DCDC1: variants seen among roughly 807,000 people sequenced by gnomAD.
DCDC1 encodes doublecortin domain-containing protein 1.
DCDC1 carries 200 observed loss-of-function variants against 178.3 expected under a neutral mutation model. That is an observed-to-expected ratio of 1.12 (90% confidence interval 1.00 to 1.26). The LOEUF (loss-of-function observed/expected upper bound fraction) is 1.26, where lower values mean the gene tolerates loss of function less well. DCDC1 is among the 50% of genes most tolerant of loss of function. The probability of loss-of-function intolerance (pLI) is 0.00; values close to 1 mark genes in which losing one functional copy is unlikely to be tolerated. For missense variants in DCDC1, 1,983 were observed against 1,749.2 expected (o/e 1.13, Z -2.38); for synonymous variants, 690 against 604.8 (o/e 1.14, Z -2.07).
intron 9 of DCDC1, among the ~76,000 whole-genome samples, chr11:31,170,831 A>C (rs897229985): frequency 6.6e-6 from 1 of 151,722 alleles, no homozygotes; most frequent in Non-Finnish European, 1.5e-5. Context: ...ATTTTATTTT[A>C]TTTATTTATT....
At chr11:31,075,487 G>A (rs1310022029) in intron 18 of DCDC1, among the ~76,000 whole-genome samples, 1 of 151,986 alleles carries the variant, frequency 6.6e-6, no homozygotes, top group Non-Finnish European at 1.5e-5. Context: ...TATACAGGTT[G>A]CACTATAATA....
chr11:30,889,425 A>T (rs1280989237), intron 36 of DCDC1, among the ~76,000 whole-genome samples: 1 of 152,192 alleles, frequency 6.6e-6, no homozygotes, highest in Non-Finnish European at 1.5e-5. Flanking sequence ...GAAGGTATAG[A>T]GAAGCACTTT....
chr11:31,185,379 G>A (rs1162246910), intron 9 of DCDC1, among the ~76,000 whole-genome samples: 1 of 151,654 alleles, frequency 6.6e-6, no homozygotes, highest in African/African-American at 2.4e-5. Context: ...TGCACTTTCT[G>A]CACCTATAGC....
chr11:31,212,082 C>CAAA (rs34957766), intron 9 of DCDC1, among the ~76,000 whole-genome samples: 1 of 90,100 alleles, frequency 1.1e-5, no homozygotes, highest in African/African-American at 4.2e-5. Flanking sequence ...GACTCAGTCT[C>CAAA]AAAAAAAAAA....
chr11:31,208,404 T>C (rs971026290), intron 9 of DCDC1, among the ~76,000 whole-genome samples: 1 of 152,100 alleles, frequency 6.6e-6, no homozygotes, highest in African/African-American at 2.4e-5. Flanking sequence ...ATATCCTGAG[T>C]CTTATAATTC....
In DCDC1 at chr11:31,037,924, G is replaced by GCTTTAA. The variant is rs1467092981; in HGVS notation, c.2591+26544_2591+26545insTTAAAG. Among the ~76,000 whole-genome samples, 5 of 152,030 alleles carry GCTTTAA rather than the reference G, an allele frequency of 3.3e-5. No individual in the cohort carries two copies. In the East Asian group the frequency reaches 9.7e-4, roughly 30 times the overall value. On this transcript the variant is annotated intron_variant, in intron 20 of 38. Coordinates refer to ENST00000684477, the MANE Select transcript of DCDC1 (RefSeq NM_001387274.1). ...AAACAGAGAGCAGAAGTAGAAATTTGGTTCAGTTAATGAATTTAAGTCTTA... is the reference window on the plus strand; with the variant it reads ...AAACAGAGAGCAGAAGTAGAAATTTGCTTTAAGTTCAGTTAATGAATTTAAGTCTTA...
chr11:31,075,978 G>T (rs769421194), intron 18 of DCDC1, among the ~76,000 whole-genome samples: 18 of 152,294 alleles, frequency 1.2e-4, no homozygotes, highest in Non-Finnish European at 1.6e-4. Context: ...TCCTGCCTCA[G>T]CCTCCCCAGT....
At chr11:31,362,004 A>C (rs1378561956) in intron 1 of DCDC1, among the ~76,000 whole-genome samples, 1 of 152,146 alleles carries the variant, frequency 6.6e-6, no homozygotes, top group African/African-American at 2.4e-5. Context: ...CTCATTCTAC[A>C]TTTGGCTACA....
intron 9 of DCDC1, among the ~76,000 whole-genome samples, chr11:31,182,927 C>CA (rs570109597): frequency 0.27 from 39,725 of 149,130 alleles, 5,307 homozygotes; most frequent in African/African-American, 0.32. Flanking sequence ...AAATGGAAAG[C>CA]AAAAAAAAAG....
rs192648 is a variant in DCDC1, at chr11:30,943,636, G to A, written c.2715+8809C>T. 4,186 of 453,916 alleles carry A rather than the reference G, an allele frequency of 9.2e-3. 152 individuals are homozygous for A. The highest frequency in any genetic ancestry group is 0.076 in the African/African-American group (3,808 of 50,000). 28.1% of individuals were successfully genotyped at this position (453,916 alleles called of 1,614,324 possible). A position where few individuals can be genotyped will look rare whatever the true frequency, so the allele number is the denominator to read the frequency against. On this transcript the variant is annotated intron_variant, in intron 21 of 38. Coordinates refer to ENST00000684477, the MANE Select transcript of DCDC1 (RefSeq NM_001387274.1). ...ATTCACAACTTTTCCCCCATAGAGT[G>A]AGAAAATAACTTGAGTTCCTCTAAT...
chr11:30,934,404 G>C (rs1947132301), intron 21 of DCDC1, among the ~76,000 whole-genome samples: 1 of 152,158 alleles, frequency 6.6e-6, no homozygotes, highest in South Asian at 2.1e-4. Context: ...GGTTATAGAA[G>C]TTCCTTTTCC....
At chr11:30,928,079 G>C (rs1192520407) in intron 22 of DCDC1, among the ~76,000 whole-genome samples, 1 of 152,142 alleles carries the variant, frequency 6.6e-6, no homozygotes, top group Non-Finnish European at 1.5e-5. Context: ...TTTGAGTCAT[G>C]ATAGAAGATC....
intron 7 of DCDC1, among the ~76,000 whole-genome samples, chr11:31,267,379 ACGGGGTTTC>A (rs1945241554): frequency 6.6e-6 from 1 of 151,922 alleles, no homozygotes; most frequent in Non-Finnish European, 1.5e-5. Flanking sequence ...TTTAGTAGAG[ACGGGGTTTC>A]TCCATGTTGA....
intron 6 of DCDC1, among the ~76,000 whole-genome samples, chr11:31,296,446 C>T (rs1387641062): frequency 6.6e-6 from 1 of 152,200 alleles, no homozygotes. Flanking sequence ...AGCCATTCAA[C>T]AAGTCTCTAG....
intron 9 of DCDC1, among the ~76,000 whole-genome samples, chr11:31,213,190 TGTC>T (rs1972994648): frequency 7.0e-6 from 1 of 143,288 alleles, no homozygotes; most frequent in Non-Finnish European, 1.5e-5. Flanking sequence ...AGTGGTTTGC[TGTC>T]CTCCAAGAAA....
chr11:30,950,926 A>G (rs1948379425), intron 21 of DCDC1, among the ~76,000 whole-genome samples: 1 of 152,190 alleles, frequency 6.6e-6, no homozygotes, highest in South Asian at 2.1e-4. Flanking sequence ...CTCTGATTTT[A>G]TCATTACACA....
chr11:31,289,841 C>T (rs1233938878), intron 7 of DCDC1, among the ~76,000 whole-genome samples: 1 of 151,910 alleles, frequency 6.6e-6, no homozygotes, highest in African/African-American at 2.4e-5. Flanking sequence ...ACAAAGGTGT[C>T]CAAGGCCTCA....
chr11:30,923,454 A>C lies in DCDC1; in HGVS notation c.2998-816T>G, dbSNP rs1047903178. 4.1e-5 allele frequency among the ~76,000 whole-genome samples: 6 copies of C among 146,332 alleles called. No homozygotes were observed. The Admixed American group carries it at 4.2e-4, about 10-fold the overall frequency. ...TTTCTTAAATGTCCTTAAATGGATA[A>C]ATATTTCTTTAAAGATGAGAAAAGA... On this transcript the variant is annotated intron_variant, in intron 23 of 38. Coordinates refer to ENST00000684477, the MANE Select transcript of DCDC1 (RefSeq NM_001387274.1).
intron 20 of DCDC1, among the ~76,000 whole-genome samples, chr11:31,037,530 T>TC (rs770697423): frequency 2.0e-5 from 3 of 150,854 alleles, no homozygotes; most frequent in Non-Finnish European, 3.0e-5. Flanking sequence ...CCTCCCGGGA[T>TC]ACGCCATTCT....
Sources: allele counts gnomAD v4.1 joint callset (sites outside exome capture counted in the v4.1 genomes callset), GRCh38; gene constraint gnomAD v4.1.1; transcripts MANE v1.5; gene names NCBI Gene and HGNC (gene_info 2026-07-23, HGNC 2026-07-21).